Variants in GRIK2 observed in about 807,000 individuals in gnomAD.
GRIK2 encodes the protein glutamate ionotropic receptor kainate type subunit 2, also known as glutamate receptor ionotropic, kainate 2.
In GRIK2, 32 loss-of-function variants were observed where a neutral mutation model predicts 100.3. The observed-to-expected ratio is 0.32, with a 90% CI of 0.24 to 0.43. The LOEUF is 0.43. GRIK2 is among the 20% of genes least tolerant of loss of function. The pLI, the probability that GRIK2 is intolerant of heterozygous loss-of-function variation, is 1.00. For missense variants in GRIK2, 843 were observed against 1,114.9 expected, an observed-to-expected ratio of 0.76 and a Z score of 3.47; for synonymous variants, 417 against 389.4, an observed-to-expected ratio of 1.07 and a Z score of -0.83.
At chr6:101,682,041 C>G (rs1036750812) in intron 5 of GRIK2, among the ~76,000 whole-genome samples, 1 of 152,148 alleles carries the variant, frequency 6.6e-6, no homozygotes, top group Non-Finnish European at 1.5e-5. Flanking sequence ...AAAAACATTT[C>G]TTTAATTATA....
intron 2 of GRIK2, among the ~76,000 whole-genome samples, chr6:101,583,200 ATACAG>A (rs1197162007): frequency 6.6e-6 from 1 of 152,102 alleles, no homozygotes; most frequent in East Asian, 1.9e-4. Context: ...TGAGAAGATA[ATACAG>A]CCAATAAAGG....
At chr6:101,582,294 C>A (rs1477966286) in intron 2 of GRIK2, among the ~76,000 whole-genome samples, 1 of 152,048 alleles carries the variant, frequency 6.6e-6, no homozygotes, top group Non-Finnish European at 1.5e-5. Flanking sequence ...CATTGTTCAG[C>A]TCCCACTTAG....
intron 2 of GRIK2, among the ~76,000 whole-genome samples, chr6:101,535,733 A>G (rs572363672): frequency 6.6e-5 from 10 of 151,896 alleles, no homozygotes; most frequent in Non-Finnish European, 1.3e-4. Flanking sequence ...ATGTTGAACA[A>G]TTCACTTGCT....
intron 7 of GRIK2, among the ~76,000 whole-genome samples, chr6:101,742,840 C>T (rs982894962): frequency 6.6e-5 from 10 of 151,924 alleles, no homozygotes; most frequent in Admixed American, 5.2e-4. Context: ...ATGTTAATGC[C>T]GGAGAGGTAT....
rs965594697 is a variant in GRIK2 at position 101,425,214 on chromosome 6, G to C, written c.115+25822G>C. Among the ~76,000 whole-genome samples the C allele has an allele frequency of 1.1e-4, 16 of 152,106 alleles. No homozygotes were observed. In the South Asian group the frequency reaches 1.7e-3, roughly 16 times the overall value. Reference sequence around the variant, plus strand: ...GATGGCTGGGTCAAATGGTATTTCTGGTTCTAGATCCCTGAGGAATCACCA... The same window carrying C: ...GATGGCTGGGTCAAATGGTATTTCTCGTTCTAGATCCCTGAGGAATCACCA... On this transcript the variant is annotated intron_variant, in intron 2 of 16. Coordinates refer to ENST00000369134, the MANE Select transcript of GRIK2 (RefSeq NM_021956.5).
intron 2 of GRIK2, among the ~76,000 whole-genome samples, chr6:101,572,196 C>T (rs1777571989): frequency 6.6e-6 from 1 of 151,988 alleles, no homozygotes; most frequent in Non-Finnish European, 1.5e-5. Context: ...CACAGAGGTA[C>T]TTCTTTTTAG....
At chr6:101,549,567 T>A (rs1339149349) in intron 2 of GRIK2, among the ~76,000 whole-genome samples, 2 of 152,270 alleles carry the variant, frequency 1.3e-5, no homozygotes, top group African/African-American at 4.8e-5. Flanking sequence ...TATTTAATTT[T>A]ATCTGATTTT....
At chr6:101,666,618 G>A (rs952947660) in intron 4 of GRIK2, among the ~76,000 whole-genome samples, 14 of 152,184 alleles carry the variant, frequency 9.2e-5, no homozygotes, top group East Asian at 7.7e-4. Flanking sequence ...GGCAAAGGCC[G>A]GATCTCTCTT....
At chr6:101,542,888 A>G (rs1582678761) in intron 2 of GRIK2, among the ~76,000 whole-genome samples, 1 of 152,086 alleles carries the variant, frequency 6.6e-6, no homozygotes, top group Non-Finnish European at 1.5e-5. Context: ...TAAAGATTGT[A>G]ATGTGTTTAG....
chr6:101,749,895 C>T (rs375221709), intron 7 of GRIK2, among the ~76,000 whole-genome samples: 52 of 149,876 alleles, frequency 3.5e-4, no homozygotes, highest in African/African-American at 1.2e-3. Context: ...TCACCTCAAC[C>T]TCCGCCTCCC....
chr6:102,003,641 T>C (rs1200256298), intron 14 of GRIK2, among the ~76,000 whole-genome samples: 1 of 151,842 alleles, frequency 6.6e-6, no homozygotes, highest in East Asian at 1.9e-4. Flanking sequence ...TGACAAAGGC[T>C]GTTTTATTTT....
At chr6:101,399,497 T>G (rs1327053657) in intron 2 of GRIK2, 105 bp downstream of exon 2, 1 of 721,612 alleles carries the variant, frequency 1.4e-6, no homozygotes, top group Non-Finnish European at 2.6e-6. Flanking sequence ...GATTCTGATC[T>G]GCTCACTGCT....
At position 101,837,955 on chromosome 6, in the gene GRIK2, G is replaced by T. The variant is rs138741092; in HGVS notation, c.1317+19472G>T. ...TGCTACCCCCAAATGTGTCTCCGTG[G>T]TATTAAGAAAGTCTAGGAAGGTCAC... On this transcript the variant is annotated intron_variant, in intron 10 of 16. Coordinates refer to ENST00000369134, the MANE Select transcript of GRIK2 (RefSeq NM_021956.5). Among the ~76,000 whole-genome samples the T allele has an allele frequency of 1.9e-4, 29 of 152,150 alleles. No homozygotes were observed. The East Asian group carries it at 5.6e-3, about 29-fold the overall frequency.
At chr6:101,592,615 A>ATATATATATATATATATATATATG (rs887154272) in intron 2 of GRIK2, among the ~76,000 whole-genome samples, 13 of 127,788 alleles carry the variant, frequency 1.0e-4, no homozygotes, top group African/African-American at 4.3e-4. Flanking sequence ...ATATATATAT[A>ATATATATATATATATATATATATG]TATATATATT....
intron 7 of GRIK2, among the ~76,000 whole-genome samples, chr6:101,747,461 G>T (rs565436347): frequency 5.3e-5 from 8 of 152,014 alleles, no homozygotes; most frequent in African/African-American, 1.9e-4. Context: ...CATTCTCCTT[G>T]GTGAATGACT....
chr6:101,873,477 T>A (rs1296810714), intron 11 of GRIK2, among the ~76,000 whole-genome samples: 2 of 152,176 alleles, frequency 1.3e-5, no homozygotes, highest in East Asian at 3.9e-4. Flanking sequence ...TGCCACAATT[T>A]CTTAATCCAG....
intron 4 of GRIK2, among the ~76,000 whole-genome samples, chr6:101,633,233 T>C (rs1780847711): frequency 6.6e-6 from 1 of 152,192 alleles, no homozygotes; most frequent in East Asian, 1.9e-4. Flanking sequence ...CAAACCACCA[T>C]GGAATGCCTC....
chr6:101,893,862 A>G (rs890286138), intron 12 of GRIK2, among the ~76,000 whole-genome samples: 5 of 151,886 alleles, frequency 3.3e-5, no homozygotes, highest in Non-Finnish European at 3.0e-5. Context: ...ATCAGTGCAT[A>G]TATCTGGCAA....
At chr6:101,967,721 T>C (rs187475532) in intron 14 of GRIK2, among the ~76,000 whole-genome samples, 7 of 152,102 alleles carry the variant, frequency 4.6e-5, no homozygotes, top group Admixed American at 2.0e-4. Context: ...CGCAAACAGG[T>C]AAACAAACAA....
Sources: gnomAD v4.1 joint callset for allele counts (sites outside exome capture counted in the v4.1 genomes callset) on GRCh38, gnomAD v4.1.1 for gene constraint, MANE v1.5 for transcripts, NCBI Gene and HGNC (gene_info 2026-07-23, HGNC 2026-07-21) for gene names.